Variants in SLC1A2 observed in about 807,000 individuals in gnomAD.
The protein encoded by SLC1A2 is excitatory amino acid transporter 2.
SLC1A2 carries 15 observed loss-of-function variants against 48.8 expected under a neutral mutation model. The observed-to-expected ratio is 0.31, with a 90% confidence interval of 0.21 to 0.47. The LOEUF (loss-of-function observed/expected upper bound fraction) is 0.47. SLC1A2 is among the 20% of genes least tolerant of loss of function. The probability of loss-of-function intolerance (pLI) is 0.99; values close to 1 mark genes in which losing one functional copy is unlikely to be tolerated. For synonymous variants in SLC1A2, 279 were observed against 272.6 expected (o/e 1.02, Z -0.23); for missense variants, 502 against 730.5 (o/e 0.69, Z 3.61).
intron 10 of SLC1A2, among the ~76,000 whole-genome samples, chr11:35,263,166 T>TA (rs764125316): frequency 1.1e-4 from 16 of 152,126 alleles, no homozygotes; most frequent in Admixed American, 4.6e-4. Flanking sequence ...TAGTTTGCTT[T>TA]AAAAAACGAA....
intron 1 of SLC1A2, among the ~76,000 whole-genome samples, chr11:35,368,162 C>A (rs531828397): frequency 1.6e-4 from 24 of 152,344 alleles, no homozygotes; most frequent in African/African-American, 5.5e-4. Flanking sequence ...CACCCCCAAT[C>A]ATCTCATGTG....
chr11:35,369,260 A>G (rs1400292219), intron 1 of SLC1A2, among the ~76,000 whole-genome samples: 1 of 152,152 alleles, frequency 6.6e-6, no homozygotes, highest in East Asian at 1.9e-4. Flanking sequence ...AGTAATAAAG[A>G]GGGCCTTTTG....
At chr11:35,306,920 T>A (rs1403410716) in intron 4 of SLC1A2, 1 of 152,232 alleles carries the variant, frequency 6.6e-6, no homozygotes, top group African/African-American at 2.4e-5. Context: ...AGTACTGTAG[T>A]CAATAATAGG....
rs1200097139 is a variant in SLC1A2 at position 35,317,036 on chromosome 11, A to G, written c.157+341T>C. ...TTCTCTAAATGTGGTCCATGGACCA[A>G]TGCTTTGGAACCACCTAGGTTTGCT... On this transcript the variant is annotated intron_variant, in intron 2 of 10. Coordinates refer to ENST00000278379, the MANE Select transcript of SLC1A2 (RefSeq NM_004171.4). 9 of 227,648 alleles carry G rather than the reference A, an allele frequency of 4.0e-5. No homozygotes were observed. In the Admixed American group the frequency reaches 4.5e-4, roughly 11 times the overall value. 14.1% of individuals were successfully genotyped at this position (227,648 alleles called of 1,614,324 possible). A position where few individuals can be genotyped will look rare whatever the true frequency, so the allele number is the denominator to read the frequency against.
At chr11:35,357,413 T>G (rs1235586419) in intron 1 of SLC1A2, among the ~76,000 whole-genome samples, 2 of 152,192 alleles carry the variant, frequency 1.3e-5, no homozygotes, top group African/African-American at 4.8e-5. Context: ...AGAGCAGTAT[T>G]AATCAGGCTT....
At chr11:35,362,623 C>A (rs983623442) in intron 1 of SLC1A2, among the ~76,000 whole-genome samples, 1 of 152,302 alleles carries the variant, frequency 6.6e-6, no homozygotes, top group South Asian at 2.1e-4. Context: ...ATGTGGCATG[C>A]AACATATGGT....
intron 1 of SLC1A2, among the ~76,000 whole-genome samples, chr11:35,409,273 A>G (rs999362820): frequency 4.6e-5 from 7 of 152,232 alleles, no homozygotes; most frequent in Admixed American, 1.3e-4. Flanking sequence ...TGCAGTGGAT[A>G]TTCCAGAAAG....
chr11:35,391,743 G>A (rs1854776182), intron 1 of SLC1A2: 1 of 152,178 alleles, frequency 6.6e-6, no homozygotes, highest in Non-Finnish European at 1.5e-5. Context: ...TACCGCTCAG[G>A]TGTGACCAAA....
chr11:35,383,542 G>A (rs1268058591), intron 1 of SLC1A2, among the ~76,000 whole-genome samples: 1 of 152,168 alleles, frequency 6.6e-6, no homozygotes, highest in African/African-American at 2.4e-5. Flanking sequence ...TGTAACTAGG[G>A]CAAGTTACCC....
chr11:35,383,561 T>G (rs1397179816), intron 1 of SLC1A2, among the ~76,000 whole-genome samples: 1 of 152,222 alleles, frequency 6.6e-6, no homozygotes, highest in Non-Finnish European at 1.5e-5. Flanking sequence ...CCAGATTCTC[T>G]GTGTTTCAGT....
chr11:35,378,353 C>T (rs1465335884), intron 1 of SLC1A2, among the ~76,000 whole-genome samples: 1 of 152,228 alleles, frequency 6.6e-6, no homozygotes, highest in Non-Finnish European at 1.5e-5. Context: ...GGGAAGACAG[C>T]AGTATTAGCT....
intron 1 of SLC1A2, among the ~76,000 whole-genome samples, chr11:35,328,285 G>A (rs922795789): frequency 1.1e-4 from 17 of 152,244 alleles, no homozygotes; most frequent in African/African-American, 2.2e-4. Context: ...GTTCTTCACC[G>A]GGAAGGACTC....
chr11:35,346,747 T>G (rs1853052137), intron 1 of SLC1A2, among the ~76,000 whole-genome samples: 1 of 152,222 alleles, frequency 6.6e-6, no homozygotes, highest in South Asian at 2.1e-4. Context: ...CAGAAAGGGC[T>G]TTCTCAGTGA....
intron 1 of SLC1A2, among the ~76,000 whole-genome samples, chr11:35,349,059 G>T (rs1426040141): frequency 2.0e-5 from 3 of 152,114 alleles, no homozygotes; most frequent in Non-Finnish European, 4.4e-5. Flanking sequence ...CAGAGCAAAA[G>T]CTCAGAGCAG....
chr11:35,270,378 C>G (rs113013310), intron 9 of SLC1A2, among the ~76,000 whole-genome samples: 1 of 152,174 alleles, frequency 6.6e-6, no homozygotes, highest in African/African-American at 2.4e-5. Context: ...TACAGGCATA[C>G]ATGAGCAAGA....
intron 1 of SLC1A2, among the ~76,000 whole-genome samples, chr11:35,389,387 T>C (rs1854687861): frequency 1.3e-5 from 2 of 150,948 alleles, no homozygotes; most frequent in African/African-American, 4.8e-5. Context: ...AAACTACTTC[T>C]CAGGTTTTTG....
At position 35,359,708 on chromosome 11, in the gene SLC1A2, C is replaced by A. The variant is rs1331256316; in HGVS notation, c.18-42192G>T. ...TACTTGGCTCACTGCCAGGCACTGG[C>A]ATGCAGAGACCTGTGCATTTTATTC... On this transcript the variant is annotated intron_variant, in intron 1 of 10. Coordinates refer to ENST00000278379, the MANE Select transcript of SLC1A2 (RefSeq NM_004171.4). 3.3e-5 allele frequency among the ~76,000 whole-genome samples: 5 copies of A among 152,368 alleles called. No homozygotes were observed. The East Asian group carries it at 9.6e-4, about 29-fold the overall frequency.
chr11:35,336,005 T>C (rs942711783), intron 1 of SLC1A2, among the ~76,000 whole-genome samples: 14 of 152,292 alleles, frequency 9.2e-5, no homozygotes, highest in Non-Finnish European at 1.5e-4. Context: ...AATAAGATCA[T>C]CTCCTTCAGA....
At chr11:35,399,420 T>C (rs1855071232) in intron 1 of SLC1A2, among the ~76,000 whole-genome samples, 1 of 152,186 alleles carries the variant, frequency 6.6e-6, no homozygotes, top group African/African-American at 2.4e-5. Flanking sequence ...CTCTAAAAGA[T>C]TTCCTGTTCT....
Sources: allele counts gnomAD v4.1 joint callset (sites outside exome capture counted in the v4.1 genomes callset), GRCh38; gene constraint gnomAD v4.1.1; transcripts MANE v1.5; gene names NCBI Gene and HGNC (gene_info 2026-07-23, HGNC 2026-07-21).